PLXNA1: variants seen among roughly 807,000 people sequenced by gnomAD.
PLXNA1 encodes plexin-A1.
PLXNA1 carries 77 observed loss-of-function variants against 191.7 expected under a neutral mutation model. The observed-to-expected ratio is 0.40, with a 90% confidence interval of 0.33 to 0.49. The LOEUF is 0.49. Ranked by LOEUF, PLXNA1 falls within the 20% of genes least tolerant of loss-of-function variation. The pLI is 0.63. For missense variants in PLXNA1, 2,110 were observed against 2,660.2 expected, an observed-to-expected ratio of 0.79 and a Z score of 4.55; for synonymous variants, 1,137 against 1,156.4, an observed-to-expected ratio of 0.98 and a Z score of 0.34.
chr3:126,989,304 C>T lies in PLXNA1; in HGVS notation c.711C>T (p.Ser237=), dbSNP rs769924417. 6.2e-7 allele frequency: 1 copy of T among 1,613,692 alleles called. No homozygotes were observed. The highest frequency in any genetic ancestry group is 1.7e-5 in the Admixed American group (1 of 60,034). The change falls in exon 2 of 32, where the codon TCC becomes TCT. Residue 237 remains serine (S), a synonymous_variant. Coordinates refer to ENST00000393409, the MANE Select transcript of PLXNA1 (RefSeq NM_032242.4). ...TCAAGATCCCTTCGGACACGCTGTC[C>T]AAGTTCCCGGCCTTTGACATCTACT... ...SQLKIPSDTL[S]KFPAFDIYYV... is the part of the protein sequence containing the mutation.
chr3:127,011,990 C>G lies in PLXNA1; in HGVS notation c.2145C>G (p.Ile715Met), dbSNP rs767676586. 16 of 1,613,656 alleles carry G rather than the reference C, an allele frequency of 9.9e-6. No individual in the cohort carries two copies. In the East Asian group the frequency reaches 2.2e-4, roughly 22 times the overall value. The change falls in exon 10 of 32, where the codon ATC (isoleucine) becomes ATG (methionine). Residue 715 changes from isoleucine to methionine, a missense_variant. Physicochemically the swap from Ile to Met is conservative, Grantham distance 10. Around this residue, in one of 4 missense-constraint regions of PLXNA1, gnomAD observed 903 missense variants for 1,015.7 expected, o/e 0.89. Coordinates refer to ENST00000393409, the MANE Select transcript of PLXNA1 (RefSeq NM_032242.4). Reference sequence around the variant, plus strand: ...CACAGATCCTGCCCTCCACGCAGATCTACGTGCCAGTGGGAGTGGTAAAAC... The same window carrying G: ...CACAGATCCTGCCCTCCACGCAGATGTACGTGCCAGTGGGAGTGGTAAAAC... ...DCPQILPSTQIYVPVGVVKPI... is the reference protein window; with the variant it reads ...DCPQILPSTQMYVPVGVVKPI...
intron 25 of PLXNA1, chr3:127,028,756 G>C (rs2079189787): frequency 1.7e-6 from 1 of 572,650 alleles, no homozygotes; most frequent in Non-Finnish European, 3.1e-6. Flanking sequence ...GGGCCCTAAG[G>C]CTTGCGGAAG....
chr3:126,991,815 G>A (rs1476771480), intron 3 of PLXNA1, among the ~76,000 whole-genome samples: 2 of 152,172 alleles, frequency 1.3e-5, no homozygotes, highest in African/African-American at 4.8e-5. Context: ...GCAGGAGCCT[G>A]TGCAGGGGCC....
At chr3:127,030,215 G>T in intron 28 of PLXNA1, 28 bp from the exon 29 acceptor site, 1 of 1,608,490 alleles carries the variant, frequency 6.2e-7, no homozygotes, top group Non-Finnish European at 8.5e-7. Context: ...GCGCCCTGGG[G>T]CTCAGTGTCC....
At position 127,030,426 on chromosome 3, in the gene PLXNA1, G is replaced by T. The variant is rs776621069; in HGVS notation, c.5231+14G>T. ...GAAGAGCAACTGGTAATGCAGGGCA[G>T]GGGGAGGAGGGGCATCCCCCAGGGC... On this transcript the variant is annotated intron_variant, in intron 29 of 31. Coordinates refer to ENST00000393409, the MANE Select transcript of PLXNA1 (RefSeq NM_032242.4). 1 of 1,612,788 alleles carries T rather than the reference G, an allele frequency of 6.2e-7. No individual in the cohort carries two copies. The highest frequency in any genetic ancestry group is 1.7e-5 in the Admixed American group (1 of 60,006).
At position 127,035,156 on chromosome 3, in the gene PLXNA1, G is replaced by C. The variant is rs1451720250; in HGVS notation, c.*1139G>C. The C allele has an allele frequency of 2.0e-5, 3 of 152,272 alleles. No individual in the cohort carries two copies. Among genetic ancestry groups the C allele is most frequent in the Non-Finnish European group, 4.4e-5 (3 of 68,074 alleles). The allele number at this position is 152,272 out of a possible 1,614,324, so 9.4% of individuals were successfully genotyped here. The stretch of plus-strand genomic sequence containing the variant: ...ATGAGTGACGGGCAGTGACCAGAGG[G>C]ACTGGAGGCCAGCGGTGTCCACCCT... On this transcript the variant is annotated 3_prime_UTR_variant, in exon 32 of 32. Transcript: ENST00000393409.
At chr3:126,991,261 T>C in intron 2 of PLXNA1, 123 bp from the exon 3 acceptor site, 1 of 1,027,438 alleles carries the variant, frequency 9.7e-7, no homozygotes, top group South Asian at 1.6e-5. Context: ...TCTGCACCTC[T>C]CCTCTGGGGG....
Position 127,016,670 on chromosome 3 carries a change from G to T in PLXNA1, c.3168G>T (p.Glu1056Asp). The T allele has an allele frequency of 6.2e-7, 1 of 1,614,018 alleles. No individual in the cohort carries two copies. Among genetic ancestry groups the T allele is most frequent in the South Asian group, 1.1e-5 (1 of 91,084 alleles). ...EDPTILRIDP[E>D]WSINSGGTLL... ...CCACCATCCTGAGGATCGACCCCGAGTGGAGCATCAACAGGTGGGGCCCAG... is the reference window on the plus strand; with the variant it reads ...CCACCATCCTGAGGATCGACCCCGATTGGAGCATCAACAGGTGGGGCCCAG... Residue 1056 changes from glutamate to aspartate, a missense_variant, in exon 16 of 32, where the codon GAG becomes GAT. Physicochemically the swap from Glu to Asp is conservative, Grantham distance 45. This residue lies in a region of PLXNA1 where 644 missense variants were observed against 714.3 expected (regional missense o/e 0.90). Transcript: ENST00000393409.
chr3:127,029,360 G>C, intron 26 of PLXNA1, 80 bp from the exon 27 acceptor site: 1 of 1,348,820 alleles, frequency 7.4e-7, no homozygotes, highest in South Asian at 1.2e-5. Context: ...GTGTCACCGG[G>C]GTCCCCAGCC....
chr3:126,993,834 C>A (rs1191668779), intron 3 of PLXNA1, among the ~76,000 whole-genome samples: 1 of 152,236 alleles, frequency 6.6e-6, no homozygotes, highest in African/African-American at 2.4e-5. Context: ...AACCTGCCGC[C>A]TGTACTCTTT....
In PLXNA1 at chr3:127,029,910, T is replaced by C; in HGVS notation, c.4907T>C (p.Leu1636Pro). 1 of 1,612,738 alleles carries C rather than the reference T, an allele frequency of 6.2e-7. No homozygotes were observed. The highest frequency in any genetic ancestry group is 8.5e-7 in the Non-Finnish European group (1 of 1,179,528). ...CGCACGGCCAGCAGCCCCGACAGCC[T>C]GCGCTCGCGCACGCCCATGATCACG... is the stretch of plus-strand genomic sequence containing the variant. The part of the protein sequence containing the change: ...MLRTASSPDS[L>P]RSRTPMITPD... Residue 1636 changes from leucine (L) to proline (P), a missense_variant, in exon 28 of 32, where the codon CTG (leucine) becomes CCG (proline). Transcript: ENST00000393409.
intron 9 of PLXNA1, among the ~76,000 whole-genome samples, chr3:127,010,182 G>A (rs1441333237): frequency 3.3e-5 from 5 of 152,034 alleles, no homozygotes; most frequent in Non-Finnish European, 7.4e-5. Context: ...GGTTGTAATC[G>A]GAGCCTTTGG....
intron 15 of PLXNA1, 65 bp downstream of exon 15, chr3:127,015,385 C>A: frequency 5.2e-6 from 8 of 1,547,160 alleles, no homozygotes; most frequent in Non-Finnish European, 7.0e-6. Flanking sequence ...GGTTGCATGC[C>A]CCTTCTTGTT....
chr3:127,026,597 A>G (rs756022262), intron 23 of PLXNA1: 5 of 152,246 alleles, frequency 3.3e-5, no homozygotes, highest in African/African-American at 1.2e-4. Flanking sequence ...AATGAAACCA[A>G]GTTTGCAAAT....
At chr3:127,009,494 T>C (rs1007473689) in intron 9 of PLXNA1, among the ~76,000 whole-genome samples, 6 of 151,854 alleles carry the variant, frequency 4.0e-5, no homozygotes, top group Non-Finnish European at 8.8e-5. Context: ...ATGGAGCCAT[T>C]CCTAAGGGGT....
Position 127,017,891 on chromosome 3 carries a change from C to T in PLXNA1, c.3659C>T (p.Thr1220Met), listed in dbSNP as rs146573469. Residue 1220 changes from threonine to methionine, a missense_variant and splice_region_variant, in exon 19 of 32, where the codon ACG becomes ATG. Physicochemically the swap from Thr to Met is moderately conservative, Grantham distance 81. Transcript: ENST00000393409. ...AACCTCACTGGGCAGCACAAGGTCACGGTGCGTCTGTCCACCGGGGGTGCA... is the reference window on the plus strand; with the variant it reads ...AACCTCACTGGGCAGCACAAGGTCATGGTGCGTCTGTCCACCGGGGGTGCA... ...APNLTGQHKVTVRAGGFEFSP... is the reference protein window; with the variant it reads ...APNLTGQHKVMVRAGGFEFSP... 31 of 1,612,176 alleles carry T rather than the reference C, an allele frequency of 1.9e-5. No homozygotes were observed. The highest frequency in any genetic ancestry group is 4.5e-5 in the East Asian group (2 of 44,864).
chr3:126,991,933 C>A lies in PLXNA1; in HGVS notation c.1377+367C>A, dbSNP rs117253289. 1.4e-3 allele frequency among the ~76,000 whole-genome samples: 216 copies of A among 152,254 alleles called. 1 individual carries two copies. The East Asian group carries it at 0.03, about 21-fold the overall frequency. On this transcript the variant is annotated intron_variant, in intron 3 of 31. Transcript: ENST00000393409. Reference sequence around the variant, plus strand: ...CCTGCGCGGCCCCCTCCCCTCTGGGCCCTGCTCCCCAGCCAGGAGATCCAG... The same window carrying A: ...CCTGCGCGGCCCCCTCCCCTCTGGGACCTGCTCCCCAGCCAGGAGATCCAG...
In PLXNA1 at chr3:127,012,114, G is replaced by T; in HGVS notation, c.2269G>T (p.Ala757Ser). ...HIPGSPARVT[A>S]LRFNSSSLQC... ...CCCGGGCAGCCCGGCCCGTGTCACC[G>T]CCCTGCGCTTCAACAGCTCCAGCCT... The change falls in exon 10 of 32, where the codon GCC becomes TCC. Residue 757 changes from alanine (A) to serine (S), a missense_variant. This residue lies in a region of PLXNA1 where 644 missense variants were observed against 714.3 expected (regional missense o/e 0.90). Transcript: ENST00000393409. 1.2e-6 allele frequency: 2 copies of T among 1,613,240 alleles called. No individual in the cohort carries two copies. The highest frequency in any genetic ancestry group is 1.7e-6 in the Non-Finnish European group (2 of 1,180,000).
chr3:127,012,513 A>T (rs1576680855), intron 10 of PLXNA1, among the ~76,000 whole-genome samples: 2 of 152,284 alleles, frequency 1.3e-5, no homozygotes, highest in Admixed American at 6.5e-5. Context: ...ATCAGGTCTG[A>T]GTGTGTGCAG....
Sources: allele counts gnomAD v4.1 joint callset (sites outside exome capture counted in the v4.1 genomes callset), GRCh38; gene constraint gnomAD v4.1.1; regional missense constraint gnomAD v4.1.1; transcripts MANE v1.5; gene names NCBI Gene and HGNC (gene_info 2026-07-23, HGNC 2026-07-21).